CTIF: variants seen among roughly 807,000 people sequenced by gnomAD.
The protein encoded by CTIF is CBP80/20-dependent translation initiation factor.
CTIF carries 21 observed loss-of-function variants against 66.0 expected under a neutral mutation model. That is an observed-to-expected ratio of 0.32 (90% CI 0.23 to 0.46). The LOEUF (loss-of-function observed/expected upper bound fraction) is 0.46, where lower values mean the gene tolerates loss of function less well. CTIF is among the 20% of genes least tolerant of loss of function. The pLI, the probability that CTIF is intolerant of heterozygous loss-of-function variation, is 1.00. For missense variants in CTIF, 739 were observed against 812.7 expected (o/e 0.91, Z 1.10); for synonymous variants, 345 against 326.4 (o/e 1.06, Z -0.62).
rs202032754 is a variant in CTIF, at chr18:48,758,133, G to T, written c.799G>T (p.Ala267Ser). 1.2e-6 allele frequency: 2 copies of T among 1,614,016 alleles called. No homozygotes were observed. The highest frequency in any genetic ancestry group is 1.7e-6 in the Non-Finnish European group (2 of 1,180,008). ...HPPGDKGEAG[A>S]HRNAKETMTI... ...ACCAGGCGACAAGGGGGAGGCAGGC[G>T]CACACCGCAATGCCAAAGAGACCAT... The change falls in exon 8 of 12, where the codon GCA becomes TCA. Residue 267 changes from alanine (A) to serine (S), a missense_variant. Ala to Ser is a moderately conservative substitution (Grantham distance 99). Transcript: ENST00000256413.
At chr18:48,749,311 C>A (rs891697446) in intron 7 of CTIF, among the ~76,000 whole-genome samples, 2 of 152,204 alleles carry the variant, frequency 1.3e-5, no homozygotes, top group East Asian at 3.9e-4. Flanking sequence ...TAAAGGAAGT[C>A]ACTGAAGGTG....
In CTIF at chr18:48,539,179, C is replaced by G. The variant is rs961889300; in HGVS notation, c.-162C>G. On this transcript the variant is annotated 5_prime_UTR_variant, in exon 1 of 12. The change creates a new upstream start codon in the 5' untranslated region. Coordinates refer to ENST00000256413, the MANE Select transcript of CTIF (RefSeq NM_014772.3). ...GGGTCTGTGCGCTGGGGCGCCCGATCCCCTCCGCAGCTGGGACGCTCCGAA... is the reference window on the plus strand; with the variant it reads ...GGGTCTGTGCGCTGGGGCGCCCGATGCCCTCCGCAGCTGGGACGCTCCGAA... 1 of 149,150 alleles carries G rather than the reference C, an allele frequency of 6.7e-6. No individual in the cohort carries two copies. The highest frequency in any genetic ancestry group is 2.5e-5 in the African/African-American group (1 of 40,400). 9.2% of individuals were successfully genotyped at this position (149,150 alleles called of 1,614,324 possible).
At chr18:48,825,679 C>A (rs2068569125) in intron 10 of CTIF, among the ~76,000 whole-genome samples, 1 of 152,188 alleles carries the variant, frequency 6.6e-6, no homozygotes, top group Admixed American at 6.5e-5. Context: ...GAGGCCAGGG[C>A]AGGACCCACT....
chr18:48,609,268 A>T lies in CTIF; in HGVS notation c.-28-10270A>T, dbSNP rs2090263628. Among the ~76,000 whole-genome samples, 3 of 152,162 alleles carry T rather than the reference A, an allele frequency of 2.0e-5. No homozygotes were observed. In the South Asian group the frequency reaches 6.2e-4, roughly 32 times the overall value. On this transcript the variant is annotated intron_variant, in intron 1 of 11. Coordinates refer to ENST00000256413, the MANE Select transcript of CTIF (RefSeq NM_014772.3). ...ATCTGCAGAGATCTGGGGTTCAGAG[A>T]TAGCAGTCGTCATTGATATCCAGAG...
rs537105867 is a variant in CTIF at position 48,802,712 on chromosome 18, G to A, written c.1372-14509G>A. On this transcript the variant is annotated intron_variant, in intron 9 of 11. Transcript: ENST00000256413. The stretch of plus-strand genomic sequence containing the variant: ...GCAGAGAAGATCAGGGCGCCAGCAC[G>A]GGCACCAGCTACTAAGTGTGTAATC... Among the ~76,000 whole-genome samples the A allele has an allele frequency of 2.2e-4, 34 of 152,328 alleles. 1 individual carries two copies. In the South Asian group the frequency reaches 5.6e-3, roughly 25 times the overall value.
chr18:48,808,047 A>G (rs945723396), intron 9 of CTIF, among the ~76,000 whole-genome samples: 21 of 152,158 alleles, frequency 1.4e-4, no homozygotes, highest in African/African-American at 5.1e-4. Context: ...ACCAGAGCAA[A>G]CAATAAGAAC....
intron 6 of CTIF, among the ~76,000 whole-genome samples, chr18:48,697,789 C>T (rs1235355298): frequency 2.6e-5 from 4 of 152,112 alleles, no homozygotes; most frequent in Non-Finnish European, 5.9e-5. Flanking sequence ...TGAGAGATGA[C>T]ATGTGAGGGG....
intron 7 of CTIF, among the ~76,000 whole-genome samples, chr18:48,736,117 A>G (rs534083317): frequency 6.6e-6 from 1 of 151,964 alleles, no homozygotes; most frequent in South Asian, 2.1e-4. Flanking sequence ...GAGCATTCAG[A>G]CCTCCTCTTC....
chr18:48,605,448 A>T (rs939766945), intron 1 of CTIF, among the ~76,000 whole-genome samples: 1 of 152,158 alleles, frequency 6.6e-6, no homozygotes, highest in African/African-American at 2.4e-5. Context: ...GGGATTTCTC[A>T]GTTAATTATC....
intron 9 of CTIF, among the ~76,000 whole-genome samples, chr18:48,793,370 A>G (rs764548719): frequency 6.6e-5 from 10 of 152,178 alleles, no homozygotes; most frequent in Non-Finnish European, 1.3e-4. Context: ...GCTTTGGGAA[A>G]CTGACAGAGA....
intron 10 of CTIF, 135 bp downstream of exon 10, chr18:48,817,511 C>A (rs1283950710): frequency 2.0e-5 from 21 of 1,068,282 alleles, no homozygotes; most frequent in Non-Finnish European, 1.3e-6. Context: ...CACGGTGGCT[C>A]ACACCTGTAA....
At chr18:48,771,282 G>A (rs75838612) in intron 9 of CTIF, among the ~76,000 whole-genome samples, 5,707 of 152,268 alleles carry the variant, frequency 0.037, 108 homozygotes, top group Non-Finnish European at 0.042. Flanking sequence ...CAAAGAATGC[G>A]TCTGGGTCAT....
chr18:48,654,715 G>T (rs1017029583), intron 3 of CTIF, among the ~76,000 whole-genome samples: 1 of 152,190 alleles, frequency 6.6e-6, no homozygotes, highest in Non-Finnish European at 1.5e-5. Context: ...CAAAGACTTG[G>T]AACCAACCCA....
intron 3 of CTIF, among the ~76,000 whole-genome samples, chr18:48,647,574 C>T (rs1434277291): frequency 6.6e-6 from 1 of 152,012 alleles, no homozygotes; most frequent in Admixed American, 6.6e-5. Flanking sequence ...AATCTACAAC[C>T]ACCTAAAAAT....
At chr18:48,760,923 G>A (rs1908924225) in intron 8 of CTIF, 1 of 157,338 alleles carries the variant, frequency 6.4e-6, no homozygotes, top group African/African-American at 2.4e-5. Flanking sequence ...GAGGGTGTAG[G>A]GGACAAGGTG....
intron 1 of CTIF, among the ~76,000 whole-genome samples, chr18:48,617,514 G>A (rs2090420934): frequency 1.3e-5 from 2 of 152,328 alleles, no homozygotes; most frequent in South Asian, 4.1e-4. Context: ...CCAGGATGAG[G>A]AGCAGAGTAG....
chr18:48,666,020 A>G (rs1038444525), intron 5 of CTIF, among the ~76,000 whole-genome samples: 2 of 152,218 alleles, frequency 1.3e-5, no homozygotes, highest in African/African-American at 4.8e-5. Context: ...CTCTTTGAGG[A>G]GCTGTCAAAC....
intron 7 of CTIF, among the ~76,000 whole-genome samples, chr18:48,714,065 G>A (rs1381319906): frequency 6.6e-6 from 1 of 152,122 alleles, no homozygotes; most frequent in Non-Finnish European, 1.5e-5. Flanking sequence ...CTAAAAGCAG[G>A]GGTCTCCTGA....
intron 10 of CTIF, among the ~76,000 whole-genome samples, chr18:48,848,243 C>A (rs775791925): frequency 2.6e-5 from 4 of 152,202 alleles, no homozygotes; most frequent in Non-Finnish European, 5.9e-5. Flanking sequence ...TCTTTCCACA[C>A]CTTCAGCTTG....
Sources: gnomAD v4.1 joint callset for allele counts (sites outside exome capture counted in the v4.1 genomes callset) on GRCh38, gnomAD v4.1.1 for gene constraint, MANE v1.5 for transcripts, NCBI Gene and HGNC (gene_info 2026-07-23, HGNC 2026-07-21) for gene names.